Variants in CELF2 observed in about 807,000 individuals in gnomAD.
The protein encoded by CELF2 is CUG triplet repeat RNA-binding protein 2.
Under a neutral mutation model 62.6 loss-of-function variants are expected in CELF2, and 8 were observed. That is an observed-to-expected ratio of 0.13 (90% confidence interval 0.07 to 0.23). The LOEUF (loss-of-function observed/expected upper bound fraction) is 0.23. Ranked by LOEUF, CELF2 falls within the 10% of genes least tolerant of loss-of-function variation. CELF2 has a pLI of 1.00. For missense variants in CELF2, 333 were observed against 671.0 expected (o/e 0.50, Z 5.56); for synonymous variants, 258 against 250.0 (o/e 1.03, Z -0.30).
At chr10:10,499,866 A>G in the CELF2 span, among the ~76,000 whole-genome samples, 1 of 152,330 alleles carries the variant, frequency 6.6e-6, no homozygotes, top group Middle Eastern at 3.4e-3. Flanking sequence ...CAACAGAATA[A>G]GACTCTTGTC....
At chr10:11,084,590 A>C (rs533508030) in intron 1 of CELF2, among the ~76,000 whole-genome samples, 1 of 152,152 alleles carries the variant, frequency 6.6e-6, no homozygotes, top group Non-Finnish European at 1.5e-5. Context: ...AATGATAATC[A>C]TGCACTTAAA....
At chr10:10,656,500 A>G in the CELF2 span, among the ~76,000 whole-genome samples, 1 of 132,286 alleles carries the variant, frequency 7.6e-6, no homozygotes, top group African/African-American at 2.8e-5. Flanking sequence ...GACTGGATTA[A>G]GAAAATGTGG....
In CELF2 at chr10:11,098,033, G is replaced by A. The variant is rs1240354129; in HGVS notation, c.75-67453G>A. ...AGTGAGCACTCACCACAGGCTGTGA[G>A]GCCTCATCACTGAACCAGGGCTGTC... On this transcript the variant is annotated intron_variant, in intron 1 of 12. Transcript: ENST00000633077. This position sits in a 1 kb window ranked among gnomAD's most constrained non-coding sequence, Gnocchi z 4.0. 1.3e-5 allele frequency: 2 copies of A among 152,284 alleles called. No homozygotes were observed. Among genetic ancestry groups the A allele is most frequent in the Non-Finnish European group, 2.9e-5 (2 of 68,090 alleles). 9.4% of individuals were successfully genotyped at this position (152,284 alleles called of 1,614,324 possible).
chr10:11,312,327 AT>A (rs1306857083), intron 9 of CELF2, among the ~76,000 whole-genome samples: 1 of 152,268 alleles, frequency 6.6e-6, no homozygotes, highest in Non-Finnish European at 1.5e-5. Flanking sequence ...AGAATGAATA[AT>A]AAGCAAAGGA....
intron 1 of CELF2, among the ~76,000 whole-genome samples, chr10:11,049,122 TAAAA>T (rs11406502): frequency 1.4e-5 from 2 of 143,086 alleles, no homozygotes; most frequent in South Asian, 2.2e-4. Context: ...ACTGTTCTGT[TAAAA>T]AAAAAAAAAG....
At chr10:10,765,389 G>A in the CELF2 span, among the ~76,000 whole-genome samples, 1 of 152,198 alleles carries the variant, frequency 6.6e-6, no homozygotes, top group African/African-American at 2.4e-5. Context: ...AATCCGAGCA[G>A]AGCTGGTCCT....
intron 2 of CELF2, among the ~76,000 whole-genome samples, chr10:11,197,715 A>G (rs1249644301): frequency 6.6e-6 from 1 of 152,216 alleles, no homozygotes; most frequent in Non-Finnish European, 1.5e-5. Context: ...AAACTCTTCC[A>G]TCTTTATTCC....
At chr10:10,649,624 CA>C in the CELF2 span, among the ~76,000 whole-genome samples, 1 of 152,154 alleles carries the variant, frequency 6.6e-6, no homozygotes, top group Non-Finnish European at 1.5e-5. Flanking sequence ...AATAGACTTG[CA>C]AAAACCAGTA....
chr10:10,793,813 C>T (rs1196912974), upstream of CELF2, among the ~76,000 whole-genome samples: 1 of 152,148 alleles, frequency 6.6e-6, no homozygotes, highest in Admixed American at 6.5e-5. Context: ...TCAATAACGT[C>T]AGAGGTACCA....
chr10:10,687,836 C>T, the CELF2 span, among the ~76,000 whole-genome samples: 1 of 152,186 alleles, frequency 6.6e-6, no homozygotes, highest in Non-Finnish European at 1.5e-5. Context: ...CAATTTGCTA[C>T]CTGAGGCATG....
intron 2 of CELF2, among the ~76,000 whole-genome samples, chr10:10,981,043 A>G (rs1347176066): frequency 6.6e-6 from 1 of 152,212 alleles, no homozygotes; most frequent in Admixed American, 6.5e-5. Context: ...GCAGGGGTCT[A>G]TGCATTAGGG....
intron 2 of CELF2, among the ~76,000 whole-genome samples, chr10:11,193,710 A>G (rs746129494): frequency 5.9e-5 from 9 of 152,230 alleles, no homozygotes; most frequent in African/African-American, 1.4e-4. Flanking sequence ...TAGTGAGAAC[A>G]TAATAATGCA....
At chr10:10,902,900 G>GGAGGGAGGGAGAA (rs2063042877) in intron 1 of CELF2, among the ~76,000 whole-genome samples, 1 of 144,712 alleles carries the variant, frequency 6.9e-6, no homozygotes. Flanking sequence ...AGGGAAGAAG[G>GGAGGGAGGGAGAA]GAGGGAGGGA....
At chr10:10,737,890 G>A in the CELF2 span, among the ~76,000 whole-genome samples, 1 of 152,212 alleles carries the variant, frequency 6.6e-6, no homozygotes, top group Non-Finnish European at 1.5e-5. Context: ...CCCAGCTAAT[G>A]GACTTCCAAT....
chr10:11,249,366 C>T (rs2076488040), intron 4 of CELF2, among the ~76,000 whole-genome samples, 165 bp downstream of exon 4: 1 of 152,188 alleles, frequency 6.6e-6, no homozygotes, highest in Non-Finnish European at 1.5e-5. Context: ...GTAATGCACT[C>T]GCCACTCTCC....
At chr10:11,231,763 G>A (rs559475912) in intron 3 of CELF2, among the ~76,000 whole-genome samples, 74 of 149,222 alleles carry the variant, frequency 5.0e-4, no homozygotes, top group South Asian at 3.8e-3. Flanking sequence ...TCCAAACAAC[G>A]GGACTCAATA....
rs1266124144 is a variant in CELF2 at position 11,011,155 on chromosome 10, G to A, written c.53+5715G>A. 4 of 151,828 alleles carry A rather than the reference G, an allele frequency of 2.6e-5. No individual in the cohort carries two copies. The highest frequency in any genetic ancestry group is 5.9e-5 in the Non-Finnish European group (4 of 67,998). 9.4% of individuals were successfully genotyped at this position (151,828 alleles called of 1,614,324 possible). A position where few individuals can be genotyped will look rare whatever the true frequency, so the allele number is the denominator to read the frequency against. On this transcript the variant is annotated intron_variant, in intron 1 of 12. Coordinates refer to the CELF2 transcript ENST00000416382. This position sits in a 1 kb window ranked among gnomAD's most constrained non-coding sequence, Gnocchi z 4.6. ...GGAACAGATGTTGGAAGGAACAATA[G>A]ACAATTTTAAAGCATTATGAAATTA...
In CELF2 at chr10:11,288,466, C is replaced by T; in HGVS notation, c.890C>T (p.Ala297Val). 1.9e-6 allele frequency: 3 copies of T among 1,613,982 alleles called. No individual in the cohort carries two copies. The highest frequency in any genetic ancestry group is 1.7e-6 in the Non-Finnish European group (2 of 1,180,028). Reference sequence around the variant, plus strand: ...AACCTGGCGACGCTGGCTGCTGCTGCAGCTGCGGCCCAGACCTCAGCCACC... The same window carrying T: ...AACCTGGCGACGCTGGCTGCTGCTGTAGCTGCGGCCCAGACCTCAGCCACC... Reference protein sequence around the residue: ...LQNLATLAAAAAAAQTSATST... With the variant: ...LQNLATLAAAVAAAQTSATST... Residue 297 changes from alanine to valine, a missense_variant, in exon 9 of 13, where the codon GCA becomes GTA. Transcript: ENST00000633077.
chr10:10,702,940 T>C, the CELF2 span, among the ~76,000 whole-genome samples: 1 of 152,134 alleles, frequency 6.6e-6, no homozygotes, highest in African/African-American at 2.4e-5. Flanking sequence ...CTAAGATTTT[T>C]CCCCCTAAAT....
Sources: gnomAD v4.1 joint callset for allele counts (sites outside exome capture counted in the v4.1 genomes callset) on GRCh38, gnomAD v4.1.1 for gene constraint, Gnocchi (gnomAD v3.1) non-coding constraint, MANE v1.5 for transcripts, NCBI Gene and HGNC (gene_info 2026-07-23, HGNC 2026-07-21) for gene names.